The following MDGA2 variants were observed in gnomAD, a reference collection of about 807,000 sequenced individuals.
MDGA2 encodes MAM domain containing glycosylphosphatidylinositol anchor 2, also known as MAM domain-containing glycosylphosphatidylinositol anchor protein 2.
In MDGA2, 40 loss-of-function variants were observed where a neutral mutation model predicts 117.8. The observed-to-expected ratio is 0.34, with a 90% CI of 0.26 to 0.44. MDGA2 has a LOEUF of 0.44. Among genes scored for constraint, MDGA2 ranks in the 20% least tolerant of loss-of-function variants. The pLI is 1.00. For missense variants in MDGA2, 1,123 were observed against 1,250.6 expected, an observed-to-expected ratio of 0.90 and a Z score of 1.54; for synonymous variants, 452 against 439.0, an observed-to-expected ratio of 1.03 and a Z score of -0.37.
rs373432945 is a variant in MDGA2 at position 47,096,953 on chromosome 14, T to C, written c.1096A>G (p.Ile366Val). ...KTVLNGGTLTIPAITSDDAGT... is the reference protein window; with the variant it reads ...KTVLNGGTLTVPAITSDDAGT... ...GCATCATCTGAGGTGATGGCAGGTA[T>C]GGTCAAAGTTCCTCCATTCAAAACA... The change falls in exon 6 of 17, where the codon ATA (isoleucine) becomes GTA (valine). Residue 366 changes from isoleucine to valine, a missense_variant. Ile to Val is a conservative substitution (Grantham distance 29). Transcript: ENST00000399232. 8 of 1,613,208 alleles carry C rather than the reference T, an allele frequency of 5.0e-6. No homozygotes were observed. Among genetic ancestry groups the C allele is most frequent in the Non-Finnish European group, 6.8e-6 (8 of 1,179,510 alleles).
chr14:46,862,604 C>T (rs1881557091), intron 14 of MDGA2, among the ~76,000 whole-genome samples: 1 of 151,564 alleles, frequency 6.6e-6, no homozygotes, highest in South Asian at 2.1e-4. Flanking sequence ...CTTGAAATTG[C>T]CACATTTACA....
intron 8 of MDGA2, among the ~76,000 whole-genome samples, chr14:46,965,720 T>C (rs939774337): frequency 6.6e-6 from 1 of 152,180 alleles, no homozygotes; most frequent in Non-Finnish European, 1.5e-5. Context: ...GCAGTTATGA[T>C]GAAATGTATA....
chr14:47,197,190 T>C (rs2139426821), intron 3 of MDGA2, among the ~76,000 whole-genome samples: 1 of 152,342 alleles, frequency 6.6e-6, no homozygotes, highest in East Asian at 1.9e-4. Context: ...ATTGCTGCTA[T>C]TGACTGAATG....
chr14:47,556,630 G>A (rs954038069), intron 1 of MDGA2, among the ~76,000 whole-genome samples: 4 of 152,118 alleles, frequency 2.6e-5, no homozygotes, highest in African/African-American at 7.2e-5. Context: ...TTTAACCTTT[G>A]CATCCCAGTC....
At position 47,178,145 on chromosome 14, in the gene MDGA2, A is replaced by T. The variant is rs1884551668; in HGVS notation, c.596-33871T>A. ...GACAGCTCCATTTTGATAAAAAAAA[A>T]GTTAAAGGCATTAAGTAATATTAAA... On this transcript the variant is annotated intron_variant, in intron 3 of 16. Transcript: ENST00000399232. Among the ~76,000 whole-genome samples the T allele has an allele frequency of 3.9e-5, 6 of 152,288 alleles. No homozygotes were observed. The South Asian group carries it at 1.2e-3, about 32-fold the overall frequency.
chr14:47,034,980 T>C (rs375969236), intron 8 of MDGA2, 31 bp downstream of exon 8: 48 of 1,578,222 alleles, frequency 3.0e-5, no homozygotes, highest in Non-Finnish European at 2.6e-5. Flanking sequence ...CTTGTCCCCA[T>C]ATGGAAATGC....
chr14:47,653,290 T>C (rs1255537498), intron 1 of MDGA2, among the ~76,000 whole-genome samples: 1 of 152,136 alleles, frequency 6.6e-6, no homozygotes, highest in East Asian at 1.9e-4. Context: ...GAAGCAATAG[T>C]TCTTTGCTGA....
intron 3 of MDGA2, among the ~76,000 whole-genome samples, chr14:47,148,569 A>G (rs1348616841): frequency 6.6e-6 from 1 of 152,184 alleles, no homozygotes; most frequent in Non-Finnish European, 1.5e-5. Flanking sequence ...CAGAATACTG[A>G]TATCCAGGTC....
Position 47,285,131 on chromosome 14 carries a change from C to G in MDGA2, c.420+16280G>C, listed in dbSNP as rs187511851. Among the ~76,000 whole-genome samples the G allele has an allele frequency of 7.8e-4, 119 of 152,212 alleles. 1 individual carries two copies. In the South Asian group the frequency reaches 0.015, roughly 20 times the overall value. On this transcript the variant is annotated intron_variant, in intron 2 of 16. Coordinates refer to ENST00000399232, the MANE Select transcript of MDGA2 (RefSeq NM_001113498.3). ...TTCATAGAATGTATGACTTACGGAT[C>G]ACCCATGCATCCTATTTCATGCATC...
At chr14:47,198,676 A>G (rs1482902291) in intron 3 of MDGA2, among the ~76,000 whole-genome samples, 1 of 152,242 alleles carries the variant, frequency 6.6e-6, no homozygotes, top group Non-Finnish European at 1.5e-5. Flanking sequence ...TAAAGCTTTC[A>G]ACCAGACTCA....
chr14:46,934,547 C>T (rs972695264), intron 9 of MDGA2, among the ~76,000 whole-genome samples: 1 of 152,072 alleles, frequency 6.6e-6, no homozygotes, highest in Non-Finnish European at 1.5e-5. Context: ...CTTGTCTGGT[C>T]TGCAAATCTT....
At chr14:47,178,651 A>T (rs1884575120) in intron 3 of MDGA2, among the ~76,000 whole-genome samples, 1 of 152,184 alleles carries the variant, frequency 6.6e-6, no homozygotes, top group African/African-American at 2.4e-5. Context: ...CTCACAATTC[A>T]ATGAGGCAGA....
chr14:46,847,652 T>C (rs563883402), intron 15 of MDGA2, among the ~76,000 whole-genome samples: 5 of 151,894 alleles, frequency 3.3e-5, no homozygotes, highest in African/African-American at 4.8e-5. Context: ...TTTGAGAGAA[T>C]TGAATATGAA....
chr14:47,429,598 A>T lies in MDGA2; in HGVS notation c.281-128048T>A, dbSNP rs554095710. 1.1e-4 allele frequency among the ~76,000 whole-genome samples: 17 copies of T among 152,262 alleles called. 1 individual carries two copies. Among genetic ancestry groups the T allele is most frequent in the Middle Eastern group, 3.4e-3 (1 of 294 alleles). Reference sequence around the variant, plus strand: ...CAAATGCTGAAAATTCACATTAGGTACAATCTTCATAAATCAGTTTTGGTA... The same window carrying T: ...CAAATGCTGAAAATTCACATTAGGTTCAATCTTCATAAATCAGTTTTGGTA... On this transcript the variant is annotated intron_variant, in intron 1 of 16. Transcript: ENST00000399232.
chr14:47,066,490 A>G (rs1275591239), intron 6 of MDGA2, among the ~76,000 whole-genome samples: 2 of 152,190 alleles, frequency 1.3e-5, no homozygotes, highest in Non-Finnish European at 2.9e-5. Context: ...CTTGATGAAC[A>G]AACAGCATCA....
intron 3 of MDGA2, among the ~76,000 whole-genome samples, chr14:47,190,597 A>C (rs962919210): frequency 7.2e-5 from 11 of 152,324 alleles, no homozygotes; most frequent in Admixed American, 4.6e-4. Context: ...TAAAAGCAAA[A>C]GTGCATCTCT....
At chr14:47,129,292 C>T (rs1023464408) in intron 5 of MDGA2, among the ~76,000 whole-genome samples, 30 of 148,190 alleles carry the variant, frequency 2.0e-4, no homozygotes, top group Non-Finnish European at 3.7e-4. Context: ...CTTCCTGTGT[C>T]CATGTGATCT....
chr14:47,566,428 T>G (rs1288164518), intron 1 of MDGA2, among the ~76,000 whole-genome samples: 2 of 152,152 alleles, frequency 1.3e-5, no homozygotes, highest in Non-Finnish European at 2.9e-5. Flanking sequence ...GGTCTGACAG[T>G]TCACTTAAAG....
chr14:47,483,709 C>T (rs564459338), intron 1 of MDGA2, among the ~76,000 whole-genome samples: 1 of 152,202 alleles, frequency 6.6e-6, no homozygotes, highest in Non-Finnish European at 1.5e-5. Flanking sequence ...ATATTTACCT[C>T]ATTTTCCCAC....
Sources: gnomAD v4.1 joint callset for allele counts (sites outside exome capture counted in the v4.1 genomes callset) on GRCh38, gnomAD v4.1.1 for gene constraint, MANE v1.5 for transcripts, NCBI Gene and HGNC (gene_info 2026-07-23, HGNC 2026-07-21) for gene names.